The following MKI67 variants were observed in gnomAD, a reference collection of about 807,000 sequenced individuals.
The protein encoded by MKI67 is marker of proliferation Ki-67, also known as proliferation marker protein Ki-67.
A neutral mutation model predicts 233.5 loss-of-function variants in MKI67; 152 were observed. That is an observed-to-expected ratio of 0.65 (90% CI 0.57 to 0.74). MKI67 has a LOEUF of 0.74. MKI67 is among the 30% of genes least tolerant of loss of function. The probability of loss-of-function intolerance (pLI) is 0.00; values close to 1 mark genes in which losing one functional copy is unlikely to be tolerated. For missense variants in MKI67, 3,940 were observed against 3,885.2 expected, an observed-to-expected ratio of 1.01 and a Z score of -0.37; for synonymous variants, 1,465 against 1,418.5, an observed-to-expected ratio of 1.03 and a Z score of -0.74.
At chr10:128,113,043 G>A (rs1182600123) in intron 8 of MKI67, among the ~76,000 whole-genome samples, 1 of 152,184 alleles carries the variant, frequency 6.6e-6, no homozygotes, top group East Asian at 1.9e-4. Flanking sequence ...CTTAACTATA[G>A]CCTTGTAACT....
Position 128,108,038 on chromosome 10 carries a change from G to A in MKI67, c.3802C>T (p.Arg1268Ter), listed in dbSNP as rs1347593985. The change falls in exon 13 of 15, where the codon CGA becomes TGA. Residue 1268 changes from arginine (R) to a stop codon, truncating the protein, a stop_gained. Transcript: ENST00000368654. LOFTEE classifies it high-confidence loss of function. ...PVDTPTSTKQ[R>*]PKRSIRKADV... is the part of the protein sequence containing the mutation. Reference sequence around the variant, plus strand: ...GCTTTCCTGATACTTCTCTTGGGTCGTTGCTTTGTGCTTGTTGGGGTGTCC... The same window carrying A: ...GCTTTCCTGATACTTCTCTTGGGTCATTGCTTTGTGCTTGTTGGGGTGTCC... 7.4e-6 allele frequency: 12 copies of A among 1,613,414 alleles called. No individual in the cohort carries two copies. Among genetic ancestry groups the A allele is most frequent in the Admixed American group, 3.3e-5 (2 of 59,934 alleles).
chr10:128,101,647 T>A lies in MKI67; in HGVS notation c.9316A>T (p.Thr3106Ser), dbSNP rs1273689149. 3.7e-6 allele frequency: 6 copies of A among 1,612,928 alleles called. No homozygotes were observed. Residue 3106 changes from threonine to serine, a missense_variant, in exon 14 of 15, where the codon ACT (threonine) becomes TCT (serine). Physicochemically the swap from Thr to Ser is moderately conservative, Grantham distance 58. Transcript: ENST00000368654. ...QNKTEAEQQI[T>S]EVFVLAERIE... ...CTTTCTGCTAATACAAAGACCTCAG[T>A]TATTTGCTGTTCTGCCTCAGTCTTA...
chr10:128,107,060 G>C lies in MKI67; in HGVS notation c.4780C>G (p.Leu1594Val), dbSNP rs1345338856. ...TCAGTGTGACCTCGTGTCTGGAAGA[G>C]CTCTTTAAAGCCAGCCAGGTCTTCT... ...ALEDLAGFKELFQTRGHTEES... is the reference protein window; with the variant it reads ...ALEDLAGFKEVFQTRGHTEES... The change falls in exon 13 of 15, where the codon CTC becomes GTC. Residue 1594 changes from leucine to valine, a missense_variant. By Grantham distance (32) the Leu-to-Val change is conservative. Transcript: ENST00000368654. 3.1e-6 allele frequency: 5 copies of C among 1,614,152 alleles called. No homozygotes were observed. The South Asian group carries it at 3.3e-5, about 11-fold the overall frequency.
rs368826447 is a variant in MKI67, at chr10:128,103,318, C to A, written c.8522G>T (p.Arg2841Leu). The stretch of plus-strand genomic sequence containing the variant: ...TACTTTCTGGGCACGTGTCCTGGGC[C>A]GTCTCTTTGAGCTTGTTGCGGTGTC... Reference protein sequence around the residue: ...LEDTATSSKRRPRTRAQKVEV... With the variant: ...LEDTATSSKRLPRTRAQKVEV... The change falls in exon 13 of 15, where the codon CGG becomes CTG. Residue 2841 changes from arginine (R) to leucine (L), a missense_variant. Transcript: ENST00000368654. 6.2e-7 allele frequency: 1 copy of A among 1,614,054 alleles called. No homozygotes were observed. Among genetic ancestry groups the A allele is most frequent in the South Asian group, 1.1e-5 (1 of 91,074 alleles).
In MKI67 at chr10:128,115,777, A is replaced by C; in HGVS notation, c.631T>G (p.Leu211Val). 1.2e-6 allele frequency: 2 copies of C among 1,612,880 alleles called. No individual in the cohort carries two copies. Among genetic ancestry groups the C allele is most frequent in the South Asian group, 2.2e-5 (2 of 91,088 alleles). ...TTCAATTCTCCATAACGGCTCACTA[A>C]TTTAACGCTGGAAATTTCTTTAAAA... Reference protein sequence around the residue: ...GDFKEISSVKLVSRYGELKSV... With the variant: ...GDFKEISSVKVVSRYGELKSV... The change falls in exon 7 of 15, where the codon TTA becomes GTA. Residue 211 changes from leucine to valine, a missense_variant. Physicochemically the swap from Leu to Val is conservative, Grantham distance 32. Coordinates refer to ENST00000368654, the MANE Select transcript of MKI67 (RefSeq NM_002417.5).
rs767024436 is a variant in MKI67 at position 128,108,700 on chromosome 10, G to A, written c.3140C>T (p.Thr1047Met). ...GTGCGTGTGCGTGGTCTCCCCTGAC[G>A]TCCGTGTGAACTTGCCGACTGCTAG... ...ELLAVGKFTR[T>M]SGETTHTHRE... The change falls in exon 13 of 15, where the codon ACG becomes ATG. Residue 1047 changes from threonine (T) to methionine (M), a missense_variant. Physicochemically the swap from Thr to Met is moderately conservative, Grantham distance 81. Coordinates refer to ENST00000368654, the MANE Select transcript of MKI67 (RefSeq NM_002417.5). The A allele has an allele frequency of 9.9e-6, 16 of 1,614,174 alleles. No homozygotes were observed. Among genetic ancestry groups the A allele is most frequent in the East Asian group, 8.9e-5 (4 of 44,874 alleles).
chr10:128,104,618 C>T lies in MKI67; in HGVS notation c.7222G>A (p.Val2408Met). ...KNINTFVETPVQKLDLLGNLP... is the reference protein window; with the variant it reads ...KNINTFVETPMQKLDLLGNLP... Reference sequence around the variant, plus strand: ...TTTCCTAGCAGGTCCAGTTTCTGCACTGGAGTTTCCACAAATGTGTTGATA... The same window carrying T: ...TTTCCTAGCAGGTCCAGTTTCTGCATTGGAGTTTCCACAAATGTGTTGATA... The change falls in exon 13 of 15, where the codon GTG becomes ATG. Residue 2408 changes from valine (V) to methionine (M), a missense_variant. Transcript: ENST00000368654. 1 of 1,613,968 alleles carries T rather than the reference C, an allele frequency of 6.2e-7. No homozygotes were observed. Among genetic ancestry groups the T allele is most frequent in the Non-Finnish European group, 8.5e-7 (1 of 1,180,006 alleles).
At chr10:128,120,601 G>A (rs1852915130) in intron 4 of MKI67, among the ~76,000 whole-genome samples, 1 of 152,082 alleles carries the variant, frequency 6.6e-6, no homozygotes, top group Admixed American at 6.6e-5. Context: ...AAACTTCCCA[G>A]AAGCACAGTA....
chr10:128,100,817 C>A (rs950011175), intron 14 of MKI67, among the ~76,000 whole-genome samples: 1 of 152,186 alleles, frequency 6.6e-6, no homozygotes, highest in African/African-American at 2.4e-5. Context: ...CAGGGACATC[C>A]CAACTTCTGT....
At position 128,115,576 on chromosome 10, in the gene MKI67, C is replaced by G; in HGVS notation, c.832G>C (p.Asp278His). 1.2e-6 allele frequency: 2 copies of G among 1,614,236 alleles called. No individual in the cohort carries two copies. Among genetic ancestry groups the G allele is most frequent in the South Asian group, 2.2e-5 (2 of 91,086 alleles). Residue 278 changes from aspartate to histidine, a missense_variant, in exon 7 of 15, where the codon GAT becomes CAT. Transcript: ENST00000368654. ...AGTTGGGTCTCCCCCTGTAAACCATCAGCACTTTCTTTCTCTGTTGCGTAA... is the reference window on the plus strand; with the variant it reads ...AGTTGGGTCTCCCCCTGTAAACCATGAGCACTTTCTTTCTCTGTTGCGTAA... ...TDYATEKESA[D>H]GLQGETQLLV...
chr10:128,102,921 G>A lies in MKI67; in HGVS notation c.8919C>T (p.Asp2973=), dbSNP rs750238585. 13 of 1,614,182 alleles carry A rather than the reference G, an allele frequency of 8.1e-6. No homozygotes were observed. In the East Asian group the frequency reaches 1.3e-4, roughly 17 times the overall value. Residue 2973 remains aspartate (D), a synonymous_variant, in exon 13 of 15, where the codon GAC becomes GAT. Transcript: ENST00000368654. ...TTACAGGGTCTCTGGTGCTTACCAC[G>A]TCTCCCACGGGTTCTACTTTAGGGG... is the stretch of plus-strand genomic sequence containing the variant. ...LRAPKVEPVG[D]VVSTRDPVKS...
rs1211839404 is a variant in MKI67 at position 128,103,472 on chromosome 10, G to A, written c.8368C>T (p.Pro2790Ser). The change falls in exon 13 of 15, where the codon CCC (proline) becomes TCC (serine). Residue 2790 changes from proline to serine, a missense_variant. Physicochemically the swap from Pro to Ser is moderately conservative, Grantham distance 74 (BLOSUM62 -1). Transcript: ENST00000368654. ...VTGSRRRPRA[P>S]RESAQAIEDL... ...TCTATGGCTTGGGCACTTTCCCTGG[G>A]TGCTCTTGGCCGTCTCCTGCTGCCA... 1.2e-6 allele frequency: 2 copies of A among 1,613,746 alleles called. No individual in the cohort carries two copies.
rs549241601 is a variant in MKI67 at position 128,125,599 on chromosome 10, G to A, written c.69C>T (p.Ser23=). 25 of 1,613,312 alleles carry A rather than the reference G, an allele frequency of 1.5e-5. No homozygotes were observed. Among genetic ancestry groups the A allele is most frequent in the Non-Finnish European group, 2.1e-5 (25 of 1,179,794 alleles). ...ACCTTCCAAACAAGCAGGTGCTGAG[G>A]CTCAGGGGAAAGTGGGGACCGTCGA... ...SGVDGPHFPL[S]LSTCLFGRGI... The change falls in exon 2 of 15, where the codon AGC becomes AGT. Residue 23 remains serine (S), a synonymous_variant. Coordinates refer to ENST00000368654, the MANE Select transcript of MKI67 (RefSeq NM_002417.5). The surrounding 1 kb of genome is among the most constrained non-coding windows in gnomAD (Gnocchi z 5.3).
chr10:128,105,457 C>A lies in MKI67; in HGVS notation c.6383G>T (p.Arg2128Met). The A allele has an allele frequency of 6.2e-7, 1 of 1,613,862 alleles. No individual in the cohort carries two copies. Among genetic ancestry groups the A allele is most frequent in the Non-Finnish European group, 8.5e-7 (1 of 1,179,982 alleles). Residue 2128 changes from arginine to methionine, a missense_variant, in exon 13 of 15, where the codon AGG (arginine) becomes ATG (methionine). Coordinates refer to ENST00000368654, the MANE Select transcript of MKI67 (RefSeq NM_002417.5). Reference protein sequence around the residue: ...RRRPKTPLGKRDIVEELSALK... With the variant: ...RRRPKTPLGKMDIVEELSALK... ...GGCTGAGAGCTCTTCCACTATATCC[C>A]TTTTCCCCAAAGGTGTTTTGGGCCG...
At position 128,110,254 on chromosome 10, in the gene MKI67, C is replaced by T. The variant is rs915397518; in HGVS notation, c.2416+124G>A. The T allele has an allele frequency of 1.8e-5, 13 of 708,190 alleles. No homozygotes were observed. In the African/African-American group the frequency reaches 2.0e-4, roughly 11 times the overall value. The allele number at this position is 708,190 out of a possible 1,614,324, so 43.9% of individuals were successfully genotyped here. A position where few individuals can be genotyped will look rare whatever the true frequency, so the allele number is the denominator to read the frequency against. Reference sequence around the variant, plus strand: ...TCCCTTTCAATTAGAACAGAGAAGACGGAAATGGTATTTTGTGCCAGGAAC... The same window carrying T: ...TCCCTTTCAATTAGAACAGAGAAGATGGAAATGGTATTTTGTGCCAGGAAC... On this transcript the variant is annotated intron_variant, in intron 12 of 14. Transcript: ENST00000368654.
Position 128,116,008 on chromosome 10 carries a change from C to A in MKI67, c.401-1G>T. The A allele has an allele frequency of 6.4e-7, 1 of 1,566,492 alleles. No homozygotes were observed. ...GCCTTGGAATCTTGAGCTTTCTCAT[C>A]TTGGCAATGAATTATGAAATAAGAA... On this transcript the variant is annotated splice_acceptor_variant, in intron 6 of 14. Coordinates refer to ENST00000368654, the MANE Select transcript of MKI67 (RefSeq NM_002417.5). LOFTEE classifies it high-confidence loss of function.
chr10:128,112,542 T>A, intron 8 of MKI67, 97 bp from the exon 9 acceptor site: 1 of 1,219,408 alleles, frequency 8.2e-7, no homozygotes, highest in Non-Finnish European at 1.2e-6. Context: ...TTCAGCTGTT[T>A]AAATCTTGAA....
Position 128,112,320 on chromosome 10 carries a change from T to C in MKI67, c.1782A>G (p.Gln594=). 1.2e-6 allele frequency: 2 copies of C among 1,614,210 alleles called. No homozygotes were observed. Among genetic ancestry groups the C allele is most frequent in the African/African-American group, 1.3e-5 (1 of 75,048 alleles). Residue 594 remains glutamine (Q), a synonymous_variant, in exon 9 of 15, where the codon CAA becomes CAG. Transcript: ENST00000368654. ...SPRKTPVASD[Q]RRRSCKTAPA... is the part of the protein sequence containing the mutation. ...GGGCTGTTTTGCAGGACCTACGGCG[T>C]TGATCACTGGCAACTGGAGTTTTCC...
rs138080545 is a variant in MKI67, at chr10:128,111,808, C to T, written c.2097G>A (p.Val699=). Residue 699 remains valine, a synonymous_variant, in exon 11 of 15, where the codon GTG becomes GTA. Transcript: ENST00000368654. The stretch of plus-strand genomic sequence containing the variant: ...TACTAAATTGACTGTGAACTTCGCC[C>T]ACAGGCTTCTGTAGAAAACAGGAAG... The part of the protein sequence containing the change: ...QRRPATPKKP[V]GEVHSQFSTG... 36 of 1,612,390 alleles carry T rather than the reference C, an allele frequency of 2.2e-5. No individual in the cohort carries two copies. The highest frequency in any genetic ancestry group is 3.0e-5 in the Non-Finnish European group (35 of 1,179,584).
Sources: gnomAD v4.1 joint callset for allele counts (sites outside exome capture counted in the v4.1 genomes callset) on GRCh38, gnomAD v4.1.1 for gene constraint, Gnocchi (gnomAD v3.1) non-coding constraint, MANE v1.5 for transcripts, NCBI Gene and HGNC (gene_info 2026-07-23, HGNC 2026-07-21) for gene names.